Variants in MINDY2 observed in about 807,000 individuals in gnomAD.
The protein encoded by MINDY2 is MINDY lysine 48 deubiquitinase 2, also known as ubiquitin carboxyl-terminal hydrolase MINDY-2.
In MINDY2, 52 loss-of-function variants were observed where a neutral mutation model predicts 68.2. The ratio of observed to expected loss-of-function variants is 0.76; its 90% CI spans 0.61 to 0.96. The LOEUF (loss-of-function observed/expected upper bound fraction) is 0.96, where lower values mean the gene tolerates loss of function less well. Among genes scored for constraint, MINDY2 ranks in the 40% least tolerant of loss-of-function variants. The pLI is 0.00. For missense variants in MINDY2, 881 were observed against 773.4 expected, an observed-to-expected ratio of 1.14 and a Z score of -1.65; for synonymous variants, 372 against 303.0, an observed-to-expected ratio of 1.23 and a Z score of -2.36.
chr15:58,814,348 T>C (rs1341196729), intron 4 of MINDY2, among the ~76,000 whole-genome samples: 2 of 152,130 alleles, frequency 1.3e-5, no homozygotes, highest in Non-Finnish European at 2.9e-5. Flanking sequence ...TTTGCCCACT[T>C]TCTAATTAGA....
rs769830843 is a variant in MINDY2 at position 58,773,977 on chromosome 15, C to T, written c.840+1742C>T. ...GTTAGTTAGACTTGCTCTAACGGGC[C>T]AGAGTCCCTAATCTTTTTTGTAGGA... On this transcript the variant is annotated intron_variant, in intron 1 of 8. Transcript: ENST00000559228. Among the ~76,000 whole-genome samples the T allele has an allele frequency of 6.5e-4, 99 of 152,286 alleles. 2 individuals carry two copies. The highest frequency in any genetic ancestry group is 2.6e-4 in the Non-Finnish European group (18 of 68,026).
At chr15:58,801,709 G>A (rs563834466) in intron 2 of MINDY2, among the ~76,000 whole-genome samples, 16 of 152,136 alleles carry the variant, frequency 1.1e-4, no homozygotes, top group Non-Finnish European at 1.9e-4. Context: ...GCGCGATCTC[G>A]GCTCACTGCA....
At chr15:58,843,927 T>C (rs2032399392) in intron 6 of MINDY2, among the ~76,000 whole-genome samples, 1 of 151,998 alleles carries the variant, frequency 6.6e-6, no homozygotes, top group Non-Finnish European at 1.5e-5. Context: ...TAATATTTTA[T>C]AAATTTACAA....
intron 5 of MINDY2, among the ~76,000 whole-genome samples, chr15:58,823,130 T>A (rs1319827686): frequency 7.4e-5 from 11 of 148,900 alleles, no homozygotes; most frequent in African/African-American, 2.8e-4. Flanking sequence ...ATCCTAATCT[T>A]TTTTTTTTCT....
intron 3 of MINDY2, among the ~76,000 whole-genome samples, chr15:58,807,880 A>G (rs192520860): frequency 1.1e-4 from 16 of 152,174 alleles, no homozygotes; most frequent in Admixed American, 9.2e-4. Context: ...TTGCACTGGC[A>G]TCTACTTTGG....
intron 6 of MINDY2, 57 bp downstream of exon 6, chr15:58,831,973 G>A: frequency 1.3e-6 from 2 of 1,505,288 alleles, no homozygotes; most frequent in Non-Finnish European, 1.8e-6. Flanking sequence ...GCTTGATTTA[G>A]AGTTGTCTTT....
intron 2 of MINDY2, among the ~76,000 whole-genome samples, chr15:58,790,012 C>T (rs2140924335): frequency 6.6e-6 from 1 of 152,204 alleles, no homozygotes; most frequent in East Asian, 1.9e-4. Context: ...CTCCTGGGCT[C>T]AAGCGATCCT....
At chr15:58,833,894 C>CCGGA (rs1323670153) in intron 6 of MINDY2, among the ~76,000 whole-genome samples, 1 of 152,102 alleles carries the variant, frequency 6.6e-6, no homozygotes, top group Non-Finnish European at 1.5e-5. Flanking sequence ...TGTCGGGCTG[C>CCGGA]CGGACGGTCA....
chr15:58,774,498 A>AG (rs1363604000), intron 1 of MINDY2, among the ~76,000 whole-genome samples: 60 of 151,800 alleles, frequency 4.0e-4, no homozygotes, highest in Admixed American at 1.3e-4. Context: ...AAAAGAAAAA[A>AG]AAAAAAAAAA....
intron 1 of MINDY2, among the ~76,000 whole-genome samples, chr15:58,784,925 G>C (rs553572919): frequency 6.6e-6 from 1 of 151,656 alleles, no homozygotes; most frequent in African/African-American, 2.4e-5. Context: ...GTGAGCCACC[G>C]TACCCAGCCT....
chr15:58,842,548 TA>T (rs774229451), intron 6 of MINDY2, among the ~76,000 whole-genome samples: 16 of 152,114 alleles, frequency 1.1e-4, no homozygotes, highest in Non-Finnish European at 1.3e-4. Context: ...CTTTTTAAAT[TA>T]AAAGGGGAGG....
chr15:58,784,420 C>T (rs1024747572), intron 1 of MINDY2, among the ~76,000 whole-genome samples: 1 of 151,912 alleles, frequency 6.6e-6, no homozygotes, highest in Non-Finnish European at 1.5e-5. Context: ...ATTTATTTGG[C>T]CTCTATTAAT....
At chr15:58,790,591 G>GGT (rs1567043337) in intron 2 of MINDY2, among the ~76,000 whole-genome samples, 1 of 152,096 alleles carries the variant, frequency 6.6e-6, no homozygotes. Flanking sequence ...ACCTTAGTGG[G>GGT]GGGTAAGACA....
At chr15:58,847,516 T>C (rs1313717818) in intron 7 of MINDY2, 46 bp downstream of exon 7, 2 of 1,443,888 alleles carry the variant, frequency 1.4e-6, no homozygotes, top group African/African-American at 2.8e-5. Flanking sequence ...TGCTGATTTT[T>C]TTCAAATGTG....
At chr15:58,787,244 T>A (rs1039195463) in intron 1 of MINDY2, among the ~76,000 whole-genome samples, 1 of 148,412 alleles carries the variant, frequency 6.7e-6, no homozygotes, top group Admixed American at 6.9e-5. Flanking sequence ...TCTGCCCACC[T>A]TGGCCTCCCA....
chr15:58,783,351 C>T (rs1901282026), intron 1 of MINDY2, among the ~76,000 whole-genome samples: 2 of 152,138 alleles, frequency 1.3e-5, no homozygotes, highest in Admixed American at 1.3e-4. Flanking sequence ...TATTGGTATT[C>T]TAATTGTTAA....
chr15:58,831,855 A>T lies in MINDY2; in HGVS notation c.1307A>T (p.Gln436Leu). The change falls in exon 6 of 9, where the codon CAG becomes CTG. Residue 436 changes from glutamine (Q) to leucine (L), a missense_variant. Physicochemically the swap from Gln to Leu is moderately radical, Grantham distance 113 (BLOSUM62 -2). Coordinates refer to ENST00000559228, the MANE Select transcript of MINDY2 (RefSeq NM_001040450.3). ...HGLCELTSTV[Q>L]EGELCVFFRN... ...TTATGTGAACTAACTTCAACGGTTCAGGAAGGAGAACTTTGTGTGTTCTTT... is the reference window on the plus strand; with the variant it reads ...TTATGTGAACTAACTTCAACGGTTCTGGAAGGAGAACTTTGTGTGTTCTTT... 1 of 1,613,786 alleles carries T rather than the reference A, an allele frequency of 6.2e-7. No individual in the cohort carries two copies. The highest frequency in any genetic ancestry group is 1.1e-5 in the South Asian group (1 of 91,050).
At chr15:58,785,239 A>G (rs1243828414) in intron 1 of MINDY2, among the ~76,000 whole-genome samples, 11 of 151,952 alleles carry the variant, frequency 7.2e-5, no homozygotes, top group Non-Finnish European at 4.4e-5. Flanking sequence ...ATTAGTGTGA[A>G]GTAGGCACTT....
chr15:58,792,574 C>T (rs182458087), intron 2 of MINDY2, among the ~76,000 whole-genome samples: 4 of 152,232 alleles, frequency 2.6e-5, no homozygotes, highest in African/African-American at 7.2e-5. Context: ...CGATTGCACT[C>T]CAGCCTGGGC....
Sources: allele counts gnomAD v4.1 joint callset (sites outside exome capture counted in the v4.1 genomes callset), GRCh38; gene constraint gnomAD v4.1.1; transcripts MANE v1.5; gene names NCBI Gene and HGNC (gene_info 2026-07-23, HGNC 2026-07-21).